The following FRMPD3 variants were observed in gnomAD, a reference collection of about 807,000 sequenced individuals.
The protein encoded by FRMPD3 is FERM and PDZ domain containing 3.
Under a neutral mutation model 97.9 loss-of-function variants are expected in FRMPD3, and 42 were observed. The observed-to-expected ratio is 0.43, with a 90% CI of 0.34 to 0.55. The LOEUF is 0.55. FRMPD3 is among the 20% of genes least tolerant of loss of function. The pLI, the probability that FRMPD3 is intolerant of heterozygous loss-of-function variation, is 0.03. For missense variants in FRMPD3, 1,303 were observed against 1,457.7 expected (o/e 0.89, Z 1.73); for synonymous variants, 577 against 581.1 (o/e 0.99, Z 0.10).
chrX:107,522,138 T>A (rs555584154), intron 1 of FRMPD3, among the ~76,000 whole-genome samples: 1 of 110,910 alleles, frequency 9.0e-6, no homozygotes, highest in African/African-American at 3.3e-5. Context: ...CAGAGTACGT[T>A]GCGGGGCTGT....
chrX:107,583,116 T>C lies in FRMPD3; in HGVS notation c.1441+6657T>C, dbSNP rs780220647. ...TTTTTCTCTTTTTTTCTTTTTCTTT[T>C]TTTTTCTTTTTACTTTAAGTTCCGG... is the stretch of plus-strand genomic sequence containing the variant. On this transcript the variant is annotated intron_variant, in intron 13 of 14. Coordinates refer to ENST00000683843, the MANE Select transcript of FRMPD3 (RefSeq NM_001388459.1). Among the ~76,000 whole-genome samples, 10 of 110,792 alleles carry C rather than the reference T, an allele frequency of 9.0e-5. No homozygotes were observed. The South Asian group carries it at 3.9e-3, about 43-fold the overall frequency.
Position 107,551,055 on chromosome X carries a change from T to G in FRMPD3, c.510+899T>G, listed in dbSNP as rs1289946352. On this transcript the variant is annotated intron_variant, in intron 6 of 14. Transcript: ENST00000683843. Reference sequence around the variant, plus strand: ...TCAGAATGGGTCTTGCCAGTGATTTTCAACCAGGATTCCTACTTCCCACTC... The same window carrying G: ...TCAGAATGGGTCTTGCCAGTGATTTGCAACCAGGATTCCTACTTCCCACTC... Among the ~76,000 whole-genome samples, 3 of 112,013 alleles carry G rather than the reference T, an allele frequency of 2.7e-5. No individual in the cohort carries two copies. In the Admixed American group the frequency reaches 2.8e-4, roughly 11 times the overall value.
At chrX:107,535,463 A>G (rs891188837) in intron 4 of FRMPD3, among the ~76,000 whole-genome samples, 3 of 109,857 alleles carry the variant, frequency 2.7e-5, no homozygotes, top group African/African-American at 1.0e-4. Context: ...TGAGGCCAGG[A>G]GTTCGAGACC....
intron 1 of FRMPD3, among the ~76,000 whole-genome samples, chrX:107,515,889 T>C (rs1394078963): frequency 1.8e-5 from 2 of 111,719 alleles, no homozygotes; most frequent in Non-Finnish European, 3.8e-5. Context: ...TTTTTTTAAA[T>C]TATACTTTAA....
At chrX:107,583,569 A>G (rs1923498378) in intron 13 of FRMPD3, among the ~76,000 whole-genome samples, 1 of 112,189 alleles carries the variant, frequency 8.9e-6, no homozygotes, top group Non-Finnish European at 1.9e-5. Flanking sequence ...GTATCTTTAT[A>G]GTAGAATGAT....
At chrX:107,583,662 G>A (rs936784350) in intron 13 of FRMPD3, among the ~76,000 whole-genome samples, 23 of 111,231 alleles carry the variant, frequency 2.1e-4, no homozygotes, top group Non-Finnish European at 3.8e-5. Flanking sequence ...AGGAATCATC[G>A]TACTGTCTTC....
chrX:107,494,777 G>A (rs1921736238), intron 1 of FRMPD3, among the ~76,000 whole-genome samples: 1 of 111,903 alleles, frequency 8.9e-6, no homozygotes, highest in Non-Finnish European at 1.9e-5. Context: ...GAGCTAATAA[G>A]TAGTGGAAAC....
chrX:107,571,728 C>T (rs774619786), intron 12 of FRMPD3, among the ~76,000 whole-genome samples: 29 of 112,610 alleles, frequency 2.6e-4, no homozygotes, highest in Middle Eastern at 4.6e-3. Flanking sequence ...GAATGTGAGG[C>T]TGTTAGGCAT....
At chrX:107,490,267 A>T (rs1229211337) in intron 1 of FRMPD3, among the ~76,000 whole-genome samples, 1 of 112,102 alleles carries the variant, frequency 8.9e-6, no homozygotes, top group Non-Finnish European at 1.9e-5. Flanking sequence ...GAAGTTGGGT[A>T]GTGTGATGCC....
At position 107,550,161 on chromosome X, in the gene FRMPD3, A is replaced by C; in HGVS notation, c.510+5A>C. Reference sequence around the variant, plus strand: ...GATGGTCGGACCACTGTTAAGGTACATACAGTCTCCTCCCCCTGGTCAGCA... The same window carrying C: ...GATGGTCGGACCACTGTTAAGGTACCTACAGTCTCCTCCCCCTGGTCAGCA... On this transcript the variant is annotated splice_donor_5th_base_variant and intron_variant, in intron 6 of 14. Transcript: ENST00000683843. The C allele has an allele frequency of 8.9e-7, 1 of 1,125,684 alleles. No homozygotes were observed. Among genetic ancestry groups the C allele is most frequent in the African/African-American group, 1.8e-5 (1 of 56,277 alleles). 92.8% of individuals were successfully genotyped at this position (1,125,684 alleles called of 1,213,427 possible). A position where few individuals can be genotyped will look rare whatever the true frequency, so the allele number is the denominator to read the frequency against.
At chrX:107,574,168 C>T (rs1298128496) in intron 12 of FRMPD3, among the ~76,000 whole-genome samples, 3 of 111,644 alleles carry the variant, frequency 2.7e-5, no homozygotes, top group Non-Finnish European at 5.6e-5. Context: ...CTTCAGCGAG[C>T]GCTGTGGCTC....
intron 8 of FRMPD3, among the ~76,000 whole-genome samples, chrX:107,558,669 T>C (rs1386895447): frequency 1.8e-5 from 2 of 111,419 alleles, no homozygotes; most frequent in Admixed American, 9.6e-5. Context: ...ATATAATAAC[T>C]ATTTGCATAG....
intron 5 of FRMPD3, 132 bp downstream of exon 5, chrX:107,545,973 G>A: frequency 2.1e-6 from 1 of 487,666 alleles, no homozygotes; most frequent in South Asian, 3.1e-5. Context: ...AGGTGCTGGA[G>A]GGGGAAAAGT....
At chrX:107,574,851 A>G (rs1464128021) in intron 12 of FRMPD3, among the ~76,000 whole-genome samples, 2 of 111,483 alleles carry the variant, frequency 1.8e-5, no homozygotes, top group African/African-American at 6.5e-5. Context: ...TAATTCTCCT[A>G]TTTCTTAATG....
rs1200689361 is a variant in FRMPD3 at position 107,597,866 on chromosome X, T to C, written c.1987T>C (p.Leu663=). 2 of 1,200,711 alleles carry C rather than the reference T, an allele frequency of 1.7e-6. No homozygotes were observed. The highest frequency in any genetic ancestry group is 4.5e-5 in the Admixed American group (2 of 44,134). ...GGAGGAAGATGAGACAACTTCTCTG[T>C]TGCCAGCCATTGCTGCCCCACCCCC... ...EEEEDETTSL[L]PAIAAPPPGF... is the part of the protein sequence containing the mutation. The change falls in exon 14 of 15, where the codon TTG becomes CTG. Residue 663 remains leucine, a synonymous_variant. Coordinates refer to ENST00000683843, the MANE Select transcript of FRMPD3 (RefSeq NM_001388459.1).
chrX:107,543,416 A>G (rs1921411322), intron 4 of FRMPD3, among the ~76,000 whole-genome samples: 1 of 111,116 alleles, frequency 9.0e-6, no homozygotes, highest in Non-Finnish European at 1.9e-5. Context: ...TTCTGCCCAG[A>G]AGCCTTTCTC....
intron 8 of FRMPD3, among the ~76,000 whole-genome samples, chrX:107,557,280 T>G (rs1171968394): frequency 1.8e-5 from 2 of 111,649 alleles, no homozygotes; most frequent in African/African-American, 6.5e-5. Flanking sequence ...TCGGGGGAAG[T>G]GTCCATTTAG....
At chrX:107,536,619 T>C (rs1272314216) in intron 4 of FRMPD3, among the ~76,000 whole-genome samples, 7 of 111,862 alleles carry the variant, frequency 6.3e-5, no homozygotes, top group Non-Finnish European at 9.4e-5. Flanking sequence ...CAAATAAAGC[T>C]GCTATAATAT....
rs777232603 is a variant in FRMPD3, at chrX:107,545,838, T to C, written c.399T>C (p.Asp133=). ...AGCAGGTGGCAGTTGGAGAAACAGATGCAGTAAGTGTAGCTTTGGCTCCCT... is the reference window on the plus strand; with the variant it reads ...AGCAGGTGGCAGTTGGAGAAACAGACGCAGTAAGTGTAGCTTTGGCTCCCT... ...FSEQVAVGET[D]AKMMKKEALL... The change falls in exon 5 of 15, where the codon GAT becomes GAC. Residue 133 remains aspartate (D), a synonymous_variant. Transcript: ENST00000683843. The C allele has an allele frequency of 8.4e-7, 1 of 1,194,223 alleles. No individual in the cohort carries two copies. The highest frequency in any genetic ancestry group is 1.1e-6 in the Non-Finnish European group (1 of 880,560).
Sources: allele counts gnomAD v4.1 joint callset (sites outside exome capture counted in the v4.1 genomes callset), GRCh38; gene constraint gnomAD v4.1.1; transcripts MANE v1.5; gene names NCBI Gene and HGNC (gene_info 2026-07-23, HGNC 2026-07-21).